The following COBL variants were observed in gnomAD, a reference collection of about 807,000 sequenced individuals.
The protein encoded by COBL is cordon-bleu WH2 repeat protein, also known as protein cordon-bleu.
COBL carries 51 observed loss-of-function variants against 98.8 expected under a neutral mutation model. That is an observed-to-expected ratio of 0.52 (90% CI 0.41 to 0.65). The LOEUF is 0.65. COBL is among the 30% of genes least tolerant of loss of function. The pLI, the probability that COBL is intolerant of heterozygous loss-of-function variation, is 0.00. For synonymous variants in COBL, 634 were observed against 651.7 expected, an observed-to-expected ratio of 0.97 and a Z score of 0.41; for missense variants, 1,617 against 1,617.5, an observed-to-expected ratio of 1.00 and a Z score of 0.01.
At chr7:51,105,728 C>T (rs997236872) in intron 6 of COBL, among the ~76,000 whole-genome samples, 1 of 152,018 alleles carries the variant, frequency 6.6e-6, no homozygotes, top group South Asian at 2.1e-4. Flanking sequence ...TGCACTCCAG[C>T]CTGGGCAACA....
chr7:51,098,224 C>CTTTTTTTTTTTTTTTTTT lies in COBL; in HGVS notation c.958-12921_958-12920insAAAAAAAAAAAAAAAAAA, dbSNP rs551768231. Among the ~76,000 whole-genome samples, 408 of 100,726 alleles carry CTTTTTTTTTTTTTTTTTT rather than the reference C, an allele frequency of 4.1e-3. 74 individuals carry two copies. The highest frequency in any genetic ancestry group is 0.017 in the African/African-American group (375 of 22,248). The allele number at this position is 100,726 out of a possible 152,430, so 66.1% of individuals were successfully genotyped here. ...ACTACCAAAATCCCAATAGCAGTTT[C>CTTTTTTTTTTTTTTTTTT]TTTTTTTTTTTTGGAGAAATAGGAA... On this transcript the variant is annotated intron_variant, in intron 6 of 12. Transcript: ENST00000265136.
intron 8 of COBL, among the ~76,000 whole-genome samples, chr7:51,041,334 C>A (rs982136138): frequency 6.6e-6 from 1 of 152,042 alleles, no homozygotes; most frequent in Non-Finnish European, 1.5e-5. Context: ...ATTGATAAGA[C>A]AATTACACTA....
chr7:51,138,677 C>T (rs528237104), intron 5 of COBL, among the ~76,000 whole-genome samples: 2 of 152,330 alleles, frequency 1.3e-5, no homozygotes, highest in East Asian at 3.9e-4. Context: ...CATGTGCACA[C>T]ACTCACAAAC....
At chr7:51,126,823 A>G (rs981425332) in intron 6 of COBL, among the ~76,000 whole-genome samples, 4 of 152,154 alleles carry the variant, frequency 2.6e-5, no homozygotes, top group African/African-American at 9.7e-5. Flanking sequence ...GTAGCAGAAC[A>G]TCATCCAAGT....
At chr7:51,018,970 T>G (rs1786645873) in intron 12 of COBL, among the ~76,000 whole-genome samples, 2 of 139,794 alleles carry the variant, frequency 1.4e-5, no homozygotes, top group Admixed American at 7.3e-5. Context: ...TTTTGCAATT[T>G]TTTTTAAGCT....
chr7:51,153,622 T>A (rs1399343352), intron 5 of COBL, among the ~76,000 whole-genome samples: 1 of 152,198 alleles, frequency 6.6e-6, no homozygotes, highest in Non-Finnish European at 1.5e-5. Context: ...ATGGGCAATA[T>A]GACTGCTGAT....
intron 2 of COBL, among the ~76,000 whole-genome samples, chr7:51,214,874 G>A (rs1053568724): frequency 6.6e-6 from 1 of 152,122 alleles, no homozygotes; most frequent in Non-Finnish European, 1.5e-5. Context: ...GGAGCTGCAG[G>A]GAGGCCTACA....
Position 51,028,220 on chromosome 7 carries a change from C to A in COBL, c.2876G>T (p.Arg959Met). The change falls in exon 10 of 13, where the codon AGG becomes ATG. Residue 959 changes from arginine (R) to methionine (M), a missense_variant. Arg to Met is a moderately conservative substitution (Grantham distance 91). This residue lies in a region of COBL where 1,304 missense variants were observed against 1,282.0 expected (regional missense o/e 1.02). Transcript: ENST00000265136. ...AGGTCTGTCCTGAGTAGACAACTTC[C>A]TGTGTGGGCCAATGACCTCCCCCCT... ...PPRGEVIGPH[R>M]KLSTQDRPAA... The A allele has an allele frequency of 6.2e-7, 1 of 1,614,158 alleles. No homozygotes were observed. Among genetic ancestry groups the A allele is most frequent in the South Asian group, 1.1e-5 (1 of 91,082 alleles).
intron 1 of COBL, among the ~76,000 whole-genome samples, chr7:51,282,372 T>C (rs894269637): frequency 2.0e-5 from 3 of 152,082 alleles, no homozygotes; most frequent in Admixed American, 6.6e-5. Flanking sequence ...AGAGGTAAAC[T>C]GATGAAAAAC....
At chr7:51,135,605 T>A (rs944876934) in intron 6 of COBL, among the ~76,000 whole-genome samples, 2 of 152,140 alleles carry the variant, frequency 1.3e-5, no homozygotes, top group Non-Finnish European at 2.9e-5. Context: ...ACAGACTTAG[T>A]TTTTAGGGTA....
intron 1 of COBL, among the ~76,000 whole-genome samples, chr7:51,282,242 T>TTATTAAATCATTTTAATATAATTATTA (rs1290336483): frequency 1.4e-4 from 21 of 152,096 alleles, no homozygotes; most frequent in Non-Finnish European, 2.5e-4. Flanking sequence ...TGATGTAACG[T>TTATTAAATCATTTTAATATAATTATTA]AATAGTTTAA....
intron 1 of COBL, among the ~76,000 whole-genome samples, chr7:51,243,883 T>G (rs1796050271): frequency 6.6e-6 from 1 of 152,172 alleles, no homozygotes; most frequent in African/African-American, 2.4e-5. Context: ...TGTCCTCTTC[T>G]TGGTTTTGGT....
intron 5 of COBL, among the ~76,000 whole-genome samples, chr7:51,180,314 A>G (rs1224042684): frequency 2.0e-5 from 3 of 152,212 alleles, no homozygotes; most frequent in Admixed American, 6.5e-5. Context: ...CTGACCTTGC[A>G]GTAAGTAAAA....
intron 1 of COBL, among the ~76,000 whole-genome samples, chr7:51,256,103 T>C (rs975239210): frequency 3.9e-5 from 6 of 152,232 alleles, no homozygotes; most frequent in African/African-American, 1.4e-4. Flanking sequence ...CTGAATTCCA[T>C]GTCACACTGT....
chr7:51,143,450 CT>C (rs1334447102), intron 5 of COBL, among the ~76,000 whole-genome samples: 2 of 152,110 alleles, frequency 1.3e-5, no homozygotes, highest in Admixed American at 6.5e-5. Flanking sequence ...AAGAGTGATA[CT>C]TTATGTGTAG....
At chr7:51,149,985 TTTACTTCCA>T (rs956955639) in intron 5 of COBL, among the ~76,000 whole-genome samples, 1 of 152,158 alleles carries the variant, frequency 6.6e-6, no homozygotes, top group African/African-American at 2.4e-5. Flanking sequence ...TCATGTTTTC[TTTACTTCCA>T]TTAAACCCTG....
At chr7:51,235,062 G>A (rs998270453) in intron 1 of COBL, among the ~76,000 whole-genome samples, 4 of 151,932 alleles carry the variant, frequency 2.6e-5, no homozygotes, top group African/African-American at 7.3e-5. Flanking sequence ...CCCTCACAAC[G>A]CTCATGCCTG....
Position 51,029,216 on chromosome 7 carries a change from G to A in COBL, c.1880C>T (p.Thr627Met), listed in dbSNP as rs146220939. 6,239 of 1,613,892 alleles carry A rather than the reference G, an allele frequency of 3.9e-3. 206 individuals carry two copies. In the Admixed American group the frequency reaches 0.064, roughly 16 times the overall value. ...NISKDGNLME[T>M]APRVTSFASN... is the part of the protein sequence containing the mutation. ...AGCAAAAGAAGTCACCCTGGGCGCCGTTTCCATTAGATTCCCATCTTTAGA... is the reference window on the plus strand; with the variant it reads ...AGCAAAAGAAGTCACCCTGGGCGCCATTTCCATTAGATTCCCATCTTTAGA... The change falls in exon 10 of 13, where the codon ACG (threonine) becomes ATG (methionine). Residue 627 changes from threonine (T) to methionine (M), a missense_variant. This residue lies in a region of COBL where 1,304 missense variants were observed against 1,282.0 expected (regional missense o/e 1.02). Coordinates refer to ENST00000265136, the MANE Select transcript of COBL (RefSeq NM_015198.5).
At chr7:51,157,137 G>A (rs944030557) in intron 5 of COBL, among the ~76,000 whole-genome samples, 2 of 152,190 alleles carry the variant, frequency 1.3e-5, no homozygotes, top group Admixed American at 1.3e-4. Context: ...TTGAAAGGCC[G>A]AGGCAGGCGG....
Sources: allele counts gnomAD v4.1 joint callset (sites outside exome capture counted in the v4.1 genomes callset), GRCh38; gene constraint gnomAD v4.1.1; regional missense constraint gnomAD v4.1.1; transcripts MANE v1.5; gene names NCBI Gene and HGNC (gene_info 2026-07-23, HGNC 2026-07-21).